Variants in BHLHE40 observed in about 807,000 individuals in gnomAD.
BHLHE40 encodes basic helix-loop-helix family member e40.
In BHLHE40, 3 loss-of-function variants were observed where a neutral mutation model predicts 35.7. That is an observed-to-expected ratio of 0.08 (90% confidence interval 0.04 to 0.22). The LOEUF (loss-of-function observed/expected upper bound fraction) is 0.22. BHLHE40 is among the 10% of genes least tolerant of loss of function. The probability of loss-of-function intolerance (pLI) is 1.00; values close to 1 mark genes in which losing one functional copy is unlikely to be tolerated. For synonymous variants in BHLHE40, 236 were observed against 213.0 expected (o/e 1.11, Z -0.94); for missense variants, 486 against 524.0 (o/e 0.93, Z 0.71).
rs755518673 is a variant in BHLHE40 at position 4,981,505 on chromosome 3, T to G, written c.372T>G (p.Gly124=). Residue 124 remains glycine (G), a synonymous_variant, in exon 4 of 5, where the codon GGT becomes GGG. Transcript: ENST00000256495. ...QQQKIIALQS[G]LQAGELSGRN... ...AGAAAATCATTGCCCTGCAGAGTGG[T>G]TTACAAGCTGGTGAGTGCTGATTCT... 2.4e-5 allele frequency: 38 copies of G among 1,613,848 alleles called. No homozygotes were observed. The highest frequency in any genetic ancestry group is 1.6e-4 in the Middle Eastern group (1 of 6,062).
rs1483054109 is a variant in BHLHE40, at chr3:4,982,881, G to C, written c.428G>C (p.Cys143Ser). 2 of 1,614,142 alleles carry C rather than the reference G, an allele frequency of 1.2e-6. No homozygotes were observed. The highest frequency in any genetic ancestry group is 3.3e-5 in the Admixed American group (2 of 60,010). The change falls in exon 5 of 5, where the codon TGC becomes TCC. Residue 143 changes from cysteine to serine, a missense_variant. Physicochemically the swap from Cys to Ser is moderately radical, Grantham distance 112 (BLOSUM62 -1). This residue lies in a region of BHLHE40 where 176 missense variants were observed against 180.5 expected (regional missense o/e 0.98). Coordinates refer to ENST00000256495, the MANE Select transcript of BHLHE40 (RefSeq NM_003670.3). ...RNVETGQEMF[C>S]SGFQTCAREV... Reference sequence around the variant, plus strand: ...GTCGAAACAGGTCAAGAGATGTTCTGCTCAGGTTTCCAGACATGTGCCCGG... The same window carrying C: ...GTCGAAACAGGTCAAGAGATGTTCTCCTCAGGTTTCCAGACATGTGCCCGG...
rs77629952 is a variant in BHLHE40 at position 4,981,130 on chromosome 3, C to T, written c.259-262C>T. ...GCAGCTTCCAAAATGCCTCCAAAGA[C>T]AGGTGGCACCCGTTTTTTTAAATTA... On this transcript the variant is annotated intron_variant, in intron 3 of 4. Coordinates refer to ENST00000256495, the MANE Select transcript of BHLHE40 (RefSeq NM_003670.3). 8.3e-3 allele frequency among the ~76,000 whole-genome samples: 1,255 copies of T among 150,368 alleles called. 26 individuals carry two copies. The highest frequency in any genetic ancestry group is 0.027 in the African/African-American group (1,122 of 41,054).
intron 3 of BHLHE40, among the ~76,000 whole-genome samples, chr3:4,981,156 TTTAA>T (rs1404641710): frequency 1.4e-5 from 2 of 142,718 alleles, no homozygotes; most frequent in Non-Finnish European, 3.0e-5. Context: ...TTTTAAATTA[TTTAA>T]TTATATATAT....
chr3:4,980,503 C>T, intron 3 of BHLHE40, 95 bp downstream of exon 3: 4 of 1,023,266 alleles, frequency 3.9e-6, no homozygotes, highest in South Asian at 1.4e-5. Flanking sequence ...AACTGCAGAC[C>T]AGACTGGCGG....
intron 4 of BHLHE40, 26 bp downstream of exon 4, chr3:4,981,541 T>G: frequency 6.2e-7 from 1 of 1,610,372 alleles, no homozygotes; most frequent in Admixed American, 1.7e-5. Context: ...GGCTATGCTC[T>G]CTTTAAGAGT....
At position 4,980,408 on chromosome 3, in the gene BHLHE40, A is replaced by C; in HGVS notation, c.258A>C (p.Thr86=). The C allele has an allele frequency of 6.2e-7, 1 of 1,612,666 alleles. No individual in the cohort carries two copies. Among genetic ancestry groups the C allele is most frequent in the Non-Finnish European group, 8.5e-7 (1 of 1,178,820 alleles). ...TCCTACCCGAACATCTCAAACTTACAGTAAGTGAGAAGCTGGCCCCTTTCC... is the reference window on the plus strand; with the variant it reads ...TCCTACCCGAACATCTCAAACTTACCGTAAGTGAGAAGCTGGCCCCTTTCC... ...KDLLPEHLKL[T]TLGHLEKAVV... Residue 86 remains threonine (T), a splice_region_variant and synonymous_variant, in exon 3 of 5, where the codon ACA becomes ACC. Coordinates refer to ENST00000256495, the MANE Select transcript of BHLHE40 (RefSeq NM_003670.3).
In BHLHE40 at chr3:4,984,889, G is replaced by A. The variant is rs549117808; in HGVS notation, c.*1197G>A. 1.8e-3 allele frequency: 281 copies of A among 152,052 alleles called. No individual in the cohort carries two copies. The highest frequency in any genetic ancestry group is 8.0e-4 in the Non-Finnish European group (54 of 67,900). The allele number at this position is 152,052 out of a possible 1,614,324, so 9.4% of individuals were successfully genotyped here. ...CCTGTTTTTATTTTGGTATTAAGTCGTTGCCTTTATTTGTAAAGCTGTTAT... is the reference window on the plus strand; with the variant it reads ...CCTGTTTTTATTTTGGTATTAAGTCATTGCCTTTATTTGTAAAGCTGTTAT... On this transcript the variant is annotated 3_prime_UTR_variant, in exon 5 of 5. Transcript: ENST00000256495.
intron 4 of BHLHE40, among the ~76,000 whole-genome samples, chr3:4,982,566 A>G (rs2053207377): frequency 1.3e-5 from 2 of 152,332 alleles, no homozygotes; most frequent in East Asian, 1.9e-4. Flanking sequence ...AGCTCATCTC[A>G]TATTAATTAT....
At position 4,979,446 on chromosome 3, in the gene BHLHE40, GCTCGCAC is replaced by G; in HGVS notation, c.-272_-266del. 1.2e-5 allele frequency: 4 copies of G among 332,304 alleles called. No homozygotes were observed. Among genetic ancestry groups the G allele is most frequent in the African/African-American group, 2.2e-5 (1 of 45,112 alleles). 20.6% of individuals were successfully genotyped at this position (332,304 alleles called of 1,614,324 possible). A position where few individuals can be genotyped will look rare whatever the true frequency, so the allele number is the denominator to read the frequency against. ...GCCCGCCCCACTTCTCATTCACTTG[GCTCGCAC>G]GGCGCAGACAGACCGCGCAGGGAGC... On this transcript the variant is annotated 5_prime_UTR_variant, in exon 1 of 5. Transcript: ENST00000256495.
chr3:4,981,707 T>A (rs2053199174), intron 4 of BHLHE40, 192 bp downstream of exon 4: 2 of 650,650 alleles, frequency 3.1e-6, no homozygotes, highest in East Asian at 3.0e-5. Context: ...CTGGCATGAA[T>A]ACGTATTAGT....
Position 4,980,363 on chromosome 3 carries a change from C to T in BHLHE40, c.213C>T (p.Cys71=). ...EKKRRDRINE[C]IAQLKDLLPE... The stretch of plus-strand genomic sequence containing the variant: ...AGAGACGTGACCGGATTAACGAGTG[C>T]ATCGCCCAGCTGAAGGATCTCCTAC... The change falls in exon 3 of 5, where the codon TGC becomes TGT. Residue 71 remains cysteine, a synonymous_variant. Transcript: ENST00000256495. The T allele has an allele frequency of 6.2e-7, 1 of 1,614,142 alleles. No individual in the cohort carries two copies. Among genetic ancestry groups the T allele is most frequent in the Admixed American group, 1.7e-5 (1 of 60,028 alleles).
At position 4,979,506 on chromosome 3, in the gene BHLHE40, G is replaced by A; in HGVS notation, c.-213G>A. ...ACACCGCCAGTCTGTGCGCTGAGTC[G>A]GAGCCAGAGGCCGCGGGGACACCGG... On this transcript the variant is annotated 5_prime_UTR_variant, in exon 1 of 5. Coordinates refer to ENST00000256495, the MANE Select transcript of BHLHE40 (RefSeq NM_003670.3). 1 of 603,580 alleles carries A rather than the reference G, an allele frequency of 1.7e-6. No homozygotes were observed. The highest frequency in any genetic ancestry group is 2.9e-6 in the Non-Finnish European group (1 of 341,494). 37.4% of individuals were successfully genotyped at this position (603,580 alleles called of 1,614,324 possible). A position where few individuals can be genotyped will look rare whatever the true frequency, so the allele number is the denominator to read the frequency against.
intron 2 of BHLHE40, 41 bp downstream of exon 2, chr3:4,980,072 C>T (rs767537435): frequency 6.9e-6 from 11 of 1,602,296 alleles, no homozygotes; most frequent in Non-Finnish European, 3.4e-6. Flanking sequence ...CTCAGCCCCT[C>T]GCGCGCGCTG....
intron 4 of BHLHE40, 102 bp downstream of exon 4, chr3:4,981,617 C>T (rs2053198571): frequency 2.1e-6 from 3 of 1,431,590 alleles, no homozygotes; most frequent in Non-Finnish European, 2.8e-6. Flanking sequence ...CAACAAATTG[C>T]TTATGCACGT....
chr3:4,981,513 C>G lies in BHLHE40; in HGVS notation c.380C>G (p.Ala127Gly). 6.2e-7 allele frequency: 1 copy of G among 1,613,720 alleles called. No homozygotes were observed. Among genetic ancestry groups the G allele is most frequent in the Non-Finnish European group, 8.5e-7 (1 of 1,179,786 alleles). The change falls in exon 4 of 5, where the codon GCT becomes GGT. Residue 127 changes from alanine (A) to glycine (G), a missense_variant and splice_region_variant. This residue lies in a region of BHLHE40 where 176 missense variants were observed against 180.5 expected (regional missense o/e 0.98). Transcript: ENST00000256495. ...KIIALQSGLQ[A>G]GELSGRNVET... ...ATTGCCCTGCAGAGTGGTTTACAAG[C>G]TGGTGAGTGCTGATTCTGGCTATGC...
At chr3:4,980,277 A>G in intron 2 of BHLHE40, 24 bp from the exon 3 acceptor site, 1 of 1,606,418 alleles carries the variant, frequency 6.2e-7, no homozygotes, top group Non-Finnish European at 8.5e-7. Flanking sequence ...CCAAGCGCCC[A>G]CCGCCTCCCC....
In BHLHE40 at chr3:4,983,274, G is replaced by T. The variant is rs1183246948; in HGVS notation, c.821G>T (p.Arg274Met). 6.2e-7 allele frequency: 1 copy of T among 1,614,084 alleles called. No homozygotes were observed. Among genetic ancestry groups the T allele is most frequent in the South Asian group, 1.1e-5 (1 of 91,092 alleles). Residue 274 changes from arginine (R) to methionine (M), a missense_variant, in exon 5 of 5, where the codon AGG becomes ATG. Coordinates refer to ENST00000256495, the MANE Select transcript of BHLHE40 (RefSeq NM_003670.3). The surrounding 1 kb of genome is among the most constrained non-coding windows in gnomAD (Gnocchi z 5.0). ...GGACGCAGGTTCACGATGGGAGAAA[G>T]GATCGGCGCAATTAAGCAAGAGTCC... ...DHGRRFTMGERIGAIKQESEE... is the reference protein window; with the variant it reads ...DHGRRFTMGEMIGAIKQESEE...
Position 4,985,235 on chromosome 3 carries a change from C to G in BHLHE40, c.*1543C>G, listed in dbSNP as rs923243961. 3 of 152,338 alleles carry G rather than the reference C, an allele frequency of 2.0e-5. No homozygotes were observed. The highest frequency in any genetic ancestry group is 4.8e-5 in the African/African-American group (2 of 41,384). The allele number at this position is 152,338 out of a possible 1,614,324, so 9.4% of individuals were successfully genotyped here. A position where few individuals can be genotyped will look rare whatever the true frequency, so the allele number is the denominator to read the frequency against. Reference sequence around the variant, plus strand: ...TCACTTGGTGTGATATGGCTGACTCCCATGTCCTTCTTTCTTGGCTGAAGC... The same window carrying G: ...TCACTTGGTGTGATATGGCTGACTCGCATGTCCTTCTTTCTTGGCTGAAGC... On this transcript the variant is annotated 3_prime_UTR_variant, in exon 5 of 5. Coordinates refer to ENST00000256495, the MANE Select transcript of BHLHE40 (RefSeq NM_003670.3).
Position 4,979,981 on chromosome 3 carries a change from T to C in BHLHE40, c.100T>C (p.Tyr34His), listed in dbSNP as rs916533581. Residue 34 changes from tyrosine (Y) to histidine (H), a missense_variant, in exon 2 of 5, where the codon TAC (tyrosine) becomes CAC (histidine). Transcript: ENST00000256495. ...DLPGMYPAHMYQVYKSRRGIK... is the reference protein window; with the variant it reads ...DLPGMYPAHMHQVYKSRRGIK... ...CTGCAGGATGTACCCTGCCCACATG[T>C]ACCAAGTGTACAAGTCAAGACGGGG... 12 of 1,614,002 alleles carry C rather than the reference T, an allele frequency of 7.4e-6. No individual in the cohort carries two copies. The highest frequency in any genetic ancestry group is 1.6e-4 in the Middle Eastern group (1 of 6,084).
Sources: gnomAD v4.1 joint callset for allele counts (sites outside exome capture counted in the v4.1 genomes callset) on GRCh38, gnomAD v4.1.1 for gene constraint, gnomAD v4.1.1 regional missense constraint, Gnocchi (gnomAD v3.1) non-coding constraint, MANE v1.5 for transcripts, NCBI Gene and HGNC (gene_info 2026-07-23, HGNC 2026-07-21) for gene names.